WNT9B: variants seen among roughly 807,000 people sequenced by gnomAD.
The protein encoded by WNT9B is Wnt family member 9B, also known as protein Wnt-9b.
In WNT9B, 12 loss-of-function variants were observed where a neutral mutation model predicts 30.2. The ratio of observed to expected loss-of-function variants is 0.40; its 90% CI spans 0.26 to 0.64. WNT9B has a LOEUF of 0.64. WNT9B is among the 30% of genes least tolerant of loss of function. The pLI is 0.42. For missense variants in WNT9B, 442 were observed against 485.2 expected, an observed-to-expected ratio of 0.91 and a Z score of 0.84; for synonymous variants, 218 against 216.9, an observed-to-expected ratio of 1.01 and a Z score of -0.05.
chr17:46,872,898 C>G (rs2085275374), intron 2 of WNT9B, 125 bp downstream of exon 2: 1 of 1,173,264 alleles, frequency 8.5e-7, no homozygotes, highest in African/African-American at 1.6e-5. Flanking sequence ...CCCTTCCTGC[C>G]CTAGCACGGT....
At chr17:46,867,207 C>T (rs926021825) in intron 1 of WNT9B, among the ~76,000 whole-genome samples, 3 of 152,202 alleles carry the variant, frequency 2.0e-5, no homozygotes, top group Non-Finnish European at 4.4e-5. Context: ...AGGGCAGGAC[C>T]GTGTCCCAGC....
intron 1 of WNT9B, among the ~76,000 whole-genome samples, chr17:46,852,233 G>T (rs1318310806): frequency 6.6e-6 from 1 of 152,164 alleles, no homozygotes; most frequent in Non-Finnish European, 1.5e-5. Flanking sequence ...CGGGGCAGAG[G>T]ATCGTGCGCG....
At chr17:46,834,391 G>C (rs2084598470) in intron 1 of WNT9B, among the ~76,000 whole-genome samples, 1 of 152,130 alleles carries the variant, frequency 6.6e-6, no homozygotes, top group Admixed American at 6.5e-5. Context: ...GGCTGCTGGG[G>C]AGGGCGCGCA....
chr17:46,842,397 C>A (rs2084726478), intron 1 of WNT9B, among the ~76,000 whole-genome samples: 1 of 152,158 alleles, frequency 6.6e-6, no homozygotes, highest in Admixed American at 6.5e-5. Context: ...TTTTTTCAGA[C>A]AGGGTCTCCC....
At chr17:46,873,250 C>T (rs1395249349) in intron 2 of WNT9B, among the ~76,000 whole-genome samples, 6 of 152,104 alleles carry the variant, frequency 3.9e-5, no homozygotes, top group South Asian at 2.1e-4. Context: ...TCACATCCAT[C>T]GATCCATCAG....
Position 46,875,218 on chromosome 17 carries a change from T to A in WNT9B, c.452T>A (p.Leu151Gln). ...TGCACCTGTGATGACTCTCCGGGGC[T>A]GGAGAGCCGGCAGGCCTGGCAGTGG... ...ERCTCDDSPG[L>Q]ESRQAWQWGV... Residue 151 changes from leucine to glutamine, a missense_variant, in exon 3 of 4, where the codon CTG becomes CAG. By Grantham distance (113) the Leu-to-Gln change is moderately radical. Coordinates refer to ENST00000290015, the MANE Select transcript of WNT9B (RefSeq NM_003396.3). The A allele has an allele frequency of 6.2e-7, 1 of 1,614,158 alleles. No individual in the cohort carries two copies. The highest frequency in any genetic ancestry group is 8.5e-7 in the Non-Finnish European group (1 of 1,180,028).
intron 1 of WNT9B, among the ~76,000 whole-genome samples, chr17:46,856,746 A>T (rs1414290575): frequency 6.6e-6 from 1 of 151,036 alleles, no homozygotes; most frequent in Non-Finnish European, 1.5e-5. Flanking sequence ...AGCCTCCCAA[A>T]GTGCTAGAAT....
At chr17:46,834,133 T>G (rs1216207115) in intron 1 of WNT9B, among the ~76,000 whole-genome samples, 1 of 152,122 alleles carries the variant, frequency 6.6e-6, no homozygotes. Flanking sequence ...CATTTGAGGT[T>G]GCAGTGAGCT....
At chr17:46,848,278 T>C (rs965834464), upstream of WNT9B, among the ~76,000 whole-genome samples, 13 of 152,172 alleles carry the variant, frequency 8.5e-5, no homozygotes, top group Non-Finnish European at 1.9e-4. Context: ...AGTGCTTCCG[T>C]CACCACACAT....
At chr17:46,851,516 C>A, upstream of WNT9B, 1 of 433,062 alleles carries the variant, frequency 2.3e-6, no homozygotes, top group Non-Finnish European at 3.7e-6. This position sits in a 1 kb window ranked among gnomAD's most constrained non-coding sequence, Gnocchi z 4.3. Flanking sequence ...CTCCCAATCT[C>A]CTCCTTTCCC....
chr17:46,860,052 TG>T (rs2146564947), intron 1 of WNT9B, among the ~76,000 whole-genome samples: 2 of 152,252 alleles, frequency 1.3e-5, no homozygotes, highest in South Asian at 4.2e-4. Flanking sequence ...TTTACTGCTT[TG>T]GGGGTGGTGG....
At chr17:46,880,660 G>T (rs2085410942), downstream of WNT9B, among the ~76,000 whole-genome samples, 1 of 152,238 alleles carries the variant, frequency 6.6e-6, no homozygotes, top group Non-Finnish European at 1.5e-5. Flanking sequence ...CCTCCTCATT[G>T]CAACTGGCAG....
At chr17:46,833,471 C>G in intron 1 of WNT9B, 1 of 490,042 alleles carries the variant, frequency 2.0e-6, no homozygotes, top group Non-Finnish European at 4.1e-6. Flanking sequence ...GACAGCCAAC[C>G]CACCCCGACT....
At chr17:46,837,003 C>T (rs1323423896) in intron 1 of WNT9B, among the ~76,000 whole-genome samples, 9 of 152,074 alleles carry the variant, frequency 5.9e-5, no homozygotes, top group East Asian at 1.9e-4. Context: ...AGTGCAGTGG[C>T]GTGATCTCGG....
chr17:46,854,585 C>T (rs1184801988), intron 1 of WNT9B, among the ~76,000 whole-genome samples: 1 of 152,146 alleles, frequency 6.6e-6, no homozygotes, highest in Non-Finnish European at 1.5e-5. Context: ...GTTGGTTCTG[C>T]TGCTTTTGAG....
intron 1 of WNT9B, among the ~76,000 whole-genome samples, chr17:46,834,321 T>C (rs960147093): frequency 1.3e-5 from 2 of 152,022 alleles, no homozygotes; most frequent in Admixed American, 6.6e-5. Flanking sequence ...GAGAAGCAGG[T>C]GGTGCCTGGG....
At position 46,878,585 on chromosome 17, in the gene WNT9B, C is replaced by A. The variant is rs1393550857; in HGVS notation, c.*1867C>A. 6.6e-6 allele frequency among the ~76,000 whole-genome samples: 1 copy of A among 152,350 alleles called. No individual in the cohort carries two copies. The highest frequency in any genetic ancestry group is 1.9e-4 in the East Asian group (1 of 5,188). On this transcript the variant is annotated 3_prime_UTR_variant, in exon 4 of 4. Transcript: ENST00000290015. The stretch of plus-strand genomic sequence containing the variant: ...GAGAGGGCTGGTTTTCTCCTTTCTT[C>A]CACTTCCCCACAGCATGGAGATTTT...
chr17:46,853,012 T>A (rs1023477094), intron 1 of WNT9B, among the ~76,000 whole-genome samples: 2 of 152,152 alleles, frequency 1.3e-5, no homozygotes, highest in Non-Finnish European at 2.9e-5. Context: ...GGGCCTCACT[T>A]TCTCCTTTTG....
rs143119199 is a variant in WNT9B at position 46,855,689 on chromosome 17, C to G, written c.77+3974C>G. ...TGGGCACAAGACAGGCCCAGTTACCCAATCCAGTCTATTTATTTATTTATT... is the reference window on the plus strand; with the variant it reads ...TGGGCACAAGACAGGCCCAGTTACCGAATCCAGTCTATTTATTTATTTATT... On this transcript the variant is annotated intron_variant, in intron 1 of 3. Coordinates refer to ENST00000290015, the MANE Select transcript of WNT9B (RefSeq NM_003396.3). Among the ~76,000 whole-genome samples, 260 of 152,318 alleles carry G rather than the reference C, an allele frequency of 1.7e-3. 1 individual carries two copies. Among genetic ancestry groups the G allele is most frequent in the Admixed American group, 9.3e-3 (142 of 15,296 alleles).
Sources: allele counts gnomAD v4.1 joint callset (sites outside exome capture counted in the v4.1 genomes callset), GRCh38; gene constraint gnomAD v4.1.1; non-coding constraint Gnocchi (gnomAD v3.1); transcripts MANE v1.5; gene names NCBI Gene and HGNC (gene_info 2026-07-23, HGNC 2026-07-21).